CNTNAP2: variants seen among roughly 807,000 people sequenced by gnomAD.
CNTNAP2 encodes the protein contactin-associated protein-like 2.
CNTNAP2 carries 98 observed loss-of-function variants against 155.2 expected under a neutral mutation model. The observed-to-expected ratio is 0.63, with a 90% CI of 0.54 to 0.75. The LOEUF (loss-of-function observed/expected upper bound fraction) is 0.75, where lower values mean the gene tolerates loss of function less well. CNTNAP2 is among the 30% of genes least tolerant of loss of function. The pLI, the probability that CNTNAP2 is intolerant of heterozygous loss-of-function variation, is 0.00. For synonymous variants in CNTNAP2, 651 were observed against 631.2 expected (o/e 1.03, Z -0.47); for missense variants, 1,727 against 1,688.1 (o/e 1.02, Z -0.40).
intron 12 of CNTNAP2, among the ~76,000 whole-genome samples, chr7:147,602,917 CT>C (rs1800981858): frequency 6.6e-6 from 1 of 152,064 alleles, no homozygotes; most frequent in Non-Finnish European, 1.5e-5. Context: ...GGTTCCAAGT[CT>C]TTGCTATTGT....
chr7:148,205,752 A>G (rs75314116), intron 18 of CNTNAP2, among the ~76,000 whole-genome samples: 12,691 of 152,290 alleles, frequency 0.083, 625 homozygotes, highest in East Asian at 0.2. Context: ...TGAAGAATAT[A>G]CTATTGCAAT....
intron 8 of CNTNAP2, among the ~76,000 whole-genome samples, chr7:147,260,240 TA>T (rs1211028513): frequency 6.6e-6 from 1 of 152,162 alleles, no homozygotes; most frequent in Non-Finnish European, 1.5e-5. Context: ...AAATAATACC[TA>T]ATTATTGTGA....
At position 148,315,051 on chromosome 7, in the gene CNTNAP2, C is replaced by T. The variant is rs371862079; in HGVS notation, c.3475+47925C>T. On this transcript the variant is annotated intron_variant, in intron 21 of 23. Transcript: ENST00000361727. ...GTTGGAGAAGAGAGTAAAAAGAGGC[C>T]GCTTACTGGATTTAAAATTGGTGAG... Among the ~76,000 whole-genome samples, 50 of 152,218 alleles carry T rather than the reference C, an allele frequency of 3.3e-4. 2 individuals carry two copies. The South Asian group carries it at 6.2e-3, about 19-fold the overall frequency.
chr7:146,232,231 CA>C (rs1799397534), intron 1 of CNTNAP2, among the ~76,000 whole-genome samples: 2 of 151,648 alleles, frequency 1.3e-5, no homozygotes, highest in Middle Eastern at 3.2e-3. Context: ...GACAATTTAT[CA>C]ATTTAGAAAA....
At chr7:146,727,912 T>G (rs1801458892) in intron 1 of CNTNAP2, among the ~76,000 whole-genome samples, 1 of 152,174 alleles carries the variant, frequency 6.6e-6, no homozygotes, top group Non-Finnish European at 1.5e-5. Context: ...ATGGGAGATT[T>G]TATTTAGGCC....
chr7:146,972,652 G>A (rs1354002842), intron 3 of CNTNAP2, among the ~76,000 whole-genome samples: 1 of 152,152 alleles, frequency 6.6e-6, no homozygotes, highest in Admixed American at 6.5e-5. Flanking sequence ...ATTCCACAGA[G>A]CTCTTTCAAT....
chr7:146,939,914 A>G (rs892969186), intron 3 of CNTNAP2, among the ~76,000 whole-genome samples: 1 of 151,874 alleles, frequency 6.6e-6, no homozygotes, highest in African/African-American at 2.4e-5. Flanking sequence ...TTTACATTTT[A>G]TTTTTGACTG....
intron 8 of CNTNAP2, among the ~76,000 whole-genome samples, chr7:147,182,215 G>A (rs966381199): frequency 1.3e-5 from 2 of 151,584 alleles, no homozygotes; most frequent in African/African-American, 4.8e-5. Context: ...AGCAAAGCCT[G>A]TTAACTCTAA....
rs376121952 is a variant in CNTNAP2 at position 146,905,887 on chromosome 7, C to T, written c.402+65983C>T. The stretch of plus-strand genomic sequence containing the variant: ...GATTTCTGGAAATCATCTGAGGTAC[C>T]GGGTTCATCTCACTAGGGAGTGCCA... On this transcript the variant is annotated intron_variant, in intron 3 of 23. Transcript: ENST00000361727. Among the ~76,000 whole-genome samples, 68 of 152,308 alleles carry T rather than the reference C, an allele frequency of 4.5e-4. 1 individual carries two copies. Among genetic ancestry groups the T allele is most frequent in the Admixed American group, 3.9e-3 (60 of 15,302 alleles).
Position 146,445,187 on chromosome 7 carries a change from A to G in CNTNAP2, c.97+328214A>G, listed in dbSNP as rs544206774. 2.6e-5 allele frequency among the ~76,000 whole-genome samples: 4 copies of G among 152,360 alleles called. No individual in the cohort carries two copies. In the East Asian group the frequency reaches 7.7e-4, roughly 29 times the overall value. On this transcript the variant is annotated intron_variant, in intron 1 of 23. Coordinates refer to ENST00000361727, the MANE Select transcript of CNTNAP2 (RefSeq NM_014141.6). ...CCAATCCTCTCCATGTGGCCAAAGT[A>G]TAATGAGATTGTTGTAATAAATACT...
chr7:147,934,338 A>G (rs1299298647), intron 14 of CNTNAP2, among the ~76,000 whole-genome samples: 1 of 152,220 alleles, frequency 6.6e-6, no homozygotes, highest in Non-Finnish European at 1.5e-5. Flanking sequence ...GAAGGCAAGG[A>G]AGAGCAAGTC....
At position 147,921,921 on chromosome 7, in the gene CNTNAP2, G is replaced by A. The variant is rs140632011; in HGVS notation, c.2255+18200G>A. On this transcript the variant is annotated intron_variant, in intron 14 of 23. Transcript: ENST00000361727. ...TAGGAATTCAATGGTGAGTAACGCT[G>A]AGACATGTGGTGGGATTTTAGAGCA... Among the ~76,000 whole-genome samples, 405 of 152,286 alleles carry A rather than the reference G, an allele frequency of 2.7e-3. 2 individuals are homozygous for A. The highest frequency in any genetic ancestry group is 9.3e-3 in the African/African-American group (385 of 41,568).
chr7:146,370,640 T>A (rs1285472386), intron 1 of CNTNAP2, among the ~76,000 whole-genome samples: 1 of 151,996 alleles, frequency 6.6e-6, no homozygotes, highest in Non-Finnish European at 1.5e-5. Context: ...TAGTCGCCAC[T>A]CATTAATCTT....
intron 17 of CNTNAP2, among the ~76,000 whole-genome samples, chr7:148,156,004 G>A (rs999731790): frequency 5.9e-5 from 9 of 152,182 alleles, no homozygotes; most frequent in African/African-American, 1.2e-4. Context: ...CACTCTCCCA[G>A]TTATGGAGTC....
intron 20 of CNTNAP2, among the ~76,000 whole-genome samples, chr7:148,231,109 A>T (rs1795952230): frequency 6.6e-6 from 1 of 152,224 alleles, no homozygotes; most frequent in Non-Finnish European, 1.5e-5. Context: ...AAAAGACCTA[A>T]ACAATGGCTT....
chr7:147,450,572 A>G (rs953192693), intron 10 of CNTNAP2, among the ~76,000 whole-genome samples: 3 of 152,184 alleles, frequency 2.0e-5, no homozygotes, highest in African/African-American at 7.2e-5. Flanking sequence ...AATTTGTTAT[A>G]CAGCAATAGC....
chr7:147,040,451 A>ATT lies in CNTNAP2; in HGVS notation c.403-3430_403-3429dup, dbSNP rs34880534. On this transcript the variant is annotated intron_variant, in intron 3 of 23. Transcript: ENST00000361727. ...CTAGCATCATATGGATTAAGAGTGA[A>ATT]TTTTTTTTTTTTTTTTTTTTTTTTT... is the stretch of plus-strand genomic sequence containing the variant. Among the ~76,000 whole-genome samples the ATT allele has an allele frequency of 9.8e-3, 796 of 80,852 alleles. 32 individuals are homozygous for ATT. The highest frequency in any genetic ancestry group is 0.017 in the Middle Eastern group (2 of 118). 53.0% of individuals were successfully genotyped at this position (80,852 alleles called of 152,430 possible).
chr7:147,686,942 T>C (rs1466166716), intron 13 of CNTNAP2, among the ~76,000 whole-genome samples: 1 of 152,028 alleles, frequency 6.6e-6, no homozygotes, highest in Non-Finnish European at 1.5e-5. Context: ...ATAAGACCCA[T>C]TCAATAGCTC....
chr7:147,727,804 A>C (rs1796669348), intron 13 of CNTNAP2, among the ~76,000 whole-genome samples: 2 of 151,004 alleles, frequency 1.3e-5, no homozygotes, highest in Non-Finnish European at 2.9e-5. Flanking sequence ...CTACCAAATA[A>C]ATCAACATTA....
Sources: allele counts gnomAD v4.1 joint callset (sites outside exome capture counted in the v4.1 genomes callset), GRCh38; gene constraint gnomAD v4.1.1; transcripts MANE v1.5; gene names NCBI Gene and HGNC (gene_info 2026-07-23, HGNC 2026-07-21).